EML6: variants seen among roughly 807,000 people sequenced by gnomAD.
EML6 encodes EMAP like 6.
Under a neutral mutation model 240.1 loss-of-function variants are expected in EML6, and 154 were observed. The ratio of observed to expected loss-of-function variants is 0.64; its 90% CI spans 0.56 to 0.73. EML6 has a LOEUF of 0.73. EML6 is among the 30% of genes least tolerant of loss of function. The pLI is 0.00. For synonymous variants in EML6, 1,148 were observed against 899.0 expected (o/e 1.28, Z -4.95); for missense variants, 2,964 against 2,474.6 (o/e 1.20, Z -4.20).
rs969895672 is a variant in EML6, at chr2:54,727,133, A to T, written c.197+1875A>T. On this transcript the variant is annotated intron_variant, in intron 2 of 41. Transcript: ENST00000356458. ...ACATTCAGATTTGAAGAAAAGGTGAATGAAGTGATGTGTATAACTGGGTTT... is the reference window on the plus strand; with the variant it reads ...ACATTCAGATTTGAAGAAAAGGTGATTGAAGTGATGTGTATAACTGGGTTT... 2.6e-5 allele frequency among the ~76,000 whole-genome samples: 4 copies of T among 152,368 alleles called. No individual in the cohort carries two copies. The East Asian group carries it at 7.7e-4, about 29-fold the overall frequency.
intron 16 of EML6, among the ~76,000 whole-genome samples, chr2:54,874,143 C>G (rs1671391505): frequency 6.6e-6 from 1 of 152,128 alleles, no homozygotes; most frequent in Non-Finnish European, 1.5e-5. Flanking sequence ...AAGAGATTAG[C>G]AGATCAAAGA....
chr2:54,726,401 C>G (rs149093311), intron 2 of EML6, among the ~76,000 whole-genome samples: 30 of 152,080 alleles, frequency 2.0e-4, no homozygotes, highest in African/African-American at 7.2e-4. Flanking sequence ...TTTCAAAGAT[C>G]AGCTTTTTTT....
Position 54,850,083 on chromosome 2 carries a change from G to C in EML6, c.1309G>C (p.Val437Leu). ...TGATGGCCCAGTAGATGTCTATGCTGTTGCCCAGAGGTATAAGAAAATTGG... is the reference window on the plus strand; with the variant it reads ...TGATGGCCCAGTAGATGTCTATGCTCTTGCCCAGAGGTATAAGAAAATTGG... ...SNDGPVDVYA[V>L]AQRYKKIGEC... The change falls in exon 10 of 42, where the codon GTT (valine) becomes CTT (leucine). Residue 437 changes from valine to leucine, a missense_variant. Physicochemically the swap from Val to Leu is conservative, Grantham distance 32. Transcript: ENST00000356458. 3.9e-6 allele frequency: 6 copies of C among 1,552,132 alleles called. No homozygotes were observed. Among genetic ancestry groups the C allele is most frequent in the Non-Finnish European group, 5.2e-6 (6 of 1,147,082 alleles).
At chr2:54,798,366 G>C (rs910628382) in intron 2 of EML6, among the ~76,000 whole-genome samples, 7 of 152,010 alleles carry the variant, frequency 4.6e-5, no homozygotes, top group African/African-American at 1.7e-4. Context: ...GTAGAGATGG[G>C]GTTTCACCAT....
In EML6 at chr2:54,949,032, C is replaced by T. The variant is rs776643690; in HGVS notation, c.4083+72C>T. ...TACCTGGTAGACATCCCCATCTGCA[C>T]GTCCCAAAGACACAGTCAAATGAAA... On this transcript the variant is annotated intron_variant, in intron 29 of 41. Coordinates refer to ENST00000356458, the MANE Select transcript of EML6 (RefSeq NM_001039753.4). The T allele has an allele frequency of 1.7e-4, 186 of 1,123,616 alleles. 1 individual carries two copies. Among genetic ancestry groups the T allele is most frequent in the African/African-American group, 1.5e-3 (95 of 64,502 alleles). The allele number at this position is 1,123,616 out of a possible 1,614,324, so 69.6% of individuals were successfully genotyped here.
chr2:54,915,768 C>CA (rs1558682100), intron 25 of EML6, among the ~76,000 whole-genome samples: 1 of 151,980 alleles, frequency 6.6e-6, no homozygotes, highest in African/African-American at 2.4e-5. Context: ...TAGCAGCGTG[C>CA]AAAACAGTTT....
At chr2:54,968,058 G>C (rs180792800) in intron 39 of EML6, 70 bp from the exon 40 acceptor site, 1 of 1,432,436 alleles carries the variant, frequency 7.0e-7, no homozygotes, top group Admixed American at 2.0e-5. Flanking sequence ...TCCCTGGGAG[G>C]TGATGACTGA....
chr2:54,968,558 C>T (rs1676850921), intron 40 of EML6, 110 bp from the exon 41 acceptor site: 2 of 735,620 alleles, frequency 2.7e-6, no homozygotes, highest in Non-Finnish European at 2.4e-6. Context: ...AAATGGAAGT[C>T]CCCAGTGAAG....
intron 2 of EML6, among the ~76,000 whole-genome samples, chr2:54,786,869 C>T (rs1317026620): frequency 1.3e-5 from 2 of 152,164 alleles, no homozygotes; most frequent in Admixed American, 1.3e-4. Flanking sequence ...ACTTGTTAAA[C>T]ATATACAAGT....
At chr2:54,748,539 AC>A (rs1684019309) in intron 2 of EML6, 2 of 152,216 alleles carry the variant, frequency 1.3e-5, no homozygotes, top group Non-Finnish European at 2.9e-5. Context: ...CATTGTGGCT[AC>A]CAGAAGAACC....
chr2:54,914,164 A>G (rs1673785932), intron 25 of EML6, among the ~76,000 whole-genome samples: 1 of 152,224 alleles, frequency 6.6e-6, no homozygotes, highest in African/African-American at 2.4e-5. Context: ...GAATTTCAGA[A>G]TATATACACC....
intron 26 of EML6, among the ~76,000 whole-genome samples, chr2:54,919,101 C>T (rs551500963): frequency 6.6e-6 from 1 of 152,284 alleles, no homozygotes; most frequent in East Asian, 1.9e-4. Context: ...TTTGAAGGCA[C>T]CTATACTCAC....
intron 28 of EML6, 67 bp downstream of exon 28, chr2:54,928,818 TGC>T: frequency 6.5e-7 from 1 of 1,538,956 alleles, no homozygotes; most frequent in Non-Finnish European, 8.8e-7. Flanking sequence ...TAAGCCAGAG[TGC>T]GTTTTCTTTG....
At chr2:54,844,732 A>T (rs1209834476) in intron 8 of EML6, among the ~76,000 whole-genome samples, 1 of 152,234 alleles carries the variant, frequency 6.6e-6, no homozygotes, top group African/African-American at 2.4e-5. Context: ...GAACAGCATC[A>T]TCAGATGAAA....
intron 2 of EML6, among the ~76,000 whole-genome samples, chr2:54,740,893 T>A (rs1273402065): frequency 6.6e-6 from 1 of 152,112 alleles, no homozygotes; most frequent in Admixed American, 6.5e-5. Context: ...TTGCCTTGAG[T>A]GAAATTCAGT....
At chr2:54,801,791 T>C (rs1375146362) in intron 2 of EML6, among the ~76,000 whole-genome samples, 2 of 152,248 alleles carry the variant, frequency 1.3e-5, no homozygotes, top group Non-Finnish European at 2.9e-5. Context: ...GCTAATTTGG[T>C]TAGAAAACTA....
At chr2:54,750,863 G>A (rs1684131583) in intron 2 of EML6, among the ~76,000 whole-genome samples, 2 of 152,108 alleles carry the variant, frequency 1.3e-5, no homozygotes, top group South Asian at 2.1e-4. Context: ...ATGGTTGTCC[G>A]ATCAGTGCAA....
intron 13 of EML6, among the ~76,000 whole-genome samples, chr2:54,866,232 A>G (rs1670962829): frequency 6.6e-6 from 1 of 152,218 alleles, no homozygotes. Flanking sequence ...TACACAGTAA[A>G]CAACAGATGG....
At chr2:54,890,953 C>T (rs1425784202) in intron 17 of EML6, 101 bp from the exon 18 acceptor site, 4 of 504,216 alleles carry the variant, frequency 7.9e-6, no homozygotes, top group Admixed American at 3.5e-5. Context: ...ATTTAATGGT[C>T]CTGTTAGATG....
Sources: allele counts gnomAD v4.1 joint callset (sites outside exome capture counted in the v4.1 genomes callset), GRCh38; gene constraint gnomAD v4.1.1; transcripts MANE v1.5; gene names NCBI Gene and HGNC (gene_info 2026-07-23, HGNC 2026-07-21).